The following CREBRF variants were observed in gnomAD, a reference collection of about 807,000 sequenced individuals.
CREBRF encodes UPF0474 protein C5orf41.
A neutral mutation model predicts 66.1 loss-of-function variants in CREBRF; 5 were observed. The observed-to-expected ratio is 0.08, with a 90% CI of 0.04 to 0.16. The LOEUF (loss-of-function observed/expected upper bound fraction) is 0.16, where lower values mean the gene tolerates loss of function less well. Among genes scored for constraint, CREBRF ranks in the 10% least tolerant of loss-of-function variants. The probability of loss-of-function intolerance (pLI) is 1.00; values close to 1 mark genes in which losing one functional copy is unlikely to be tolerated. For missense variants in CREBRF, 531 were observed against 744.9 expected (o/e 0.71, Z 3.34); for synonymous variants, 229 against 264.4 (o/e 0.87, Z 1.30).
At position 173,123,255 on chromosome 5, in the gene CREBRF, A is replaced by G. The variant is rs1759185287; in HGVS notation, c.1804+53A>G. The G allele has an allele frequency of 3.3e-6, 5 of 1,531,892 alleles. No homozygotes were observed. In the South Asian group the frequency reaches 6.3e-5, roughly 19 times the overall value. The allele number at this position is 1,531,892 out of a possible 1,614,324, so 94.9% of individuals were successfully genotyped here. On this transcript the variant is annotated intron_variant, in intron 8 of 8. Transcript: ENST00000296953. ...ACAATTAATAATATGTGTAAGATGT[A>G]TGATTTAAGGGGATATTAAAAGTTC... is the stretch of plus-strand genomic sequence containing the variant.
intron 1 of CREBRF, among the ~76,000 whole-genome samples, chr5:173,066,868 G>T (rs1296202083): frequency 1.4e-5 from 2 of 138,902 alleles, no homozygotes; most frequent in African/African-American, 5.5e-5. Flanking sequence ...CAGGCTGAGT[G>T]CAGTGGCGTG....
At chr5:173,112,831 G>C (rs780967691) in intron 7 of CREBRF, among the ~76,000 whole-genome samples, 18 of 152,074 alleles carry the variant, frequency 1.2e-4, no homozygotes, top group Non-Finnish European at 2.2e-4. Context: ...TTTAGGCTTC[G>C]TATGAATAAT....
chr5:173,090,113 G>T lies in CREBRF; in HGVS notation c.136-202G>T, dbSNP rs1758282984. Among the ~76,000 whole-genome samples the T allele has an allele frequency of 1.3e-5, 2 of 152,142 alleles. No homozygotes were observed. Among genetic ancestry groups the T allele is most frequent in the African/African-American group, 4.8e-5 (2 of 41,506 alleles). ...TCTTTTTTAAATTTAATTTTTAATT[G>T]ATTTTTGTTTGTTTTATTTTCATTC... On this transcript the variant is annotated intron_variant, in intron 3 of 8. Transcript: ENST00000296953. The surrounding 1 kb of genome is among the most constrained non-coding windows in gnomAD (Gnocchi z 4.5).
intron 4 of CREBRF, chr5:173,092,417 A>G (rs1483399986): frequency 7.1e-6 from 7 of 985,446 alleles, no homozygotes; most frequent in Non-Finnish European, 8.4e-6. Flanking sequence ...TCACTTTAGC[A>G]TTTACATGCT....
At chr5:173,117,205 C>A (rs1292598633) in intron 7 of CREBRF, among the ~76,000 whole-genome samples, 2 of 151,904 alleles carry the variant, frequency 1.3e-5, no homozygotes, top group African/African-American at 2.4e-5. Context: ...ATAGTGAAAT[C>A]CCATTTCTAC....
Position 173,110,605 on chromosome 5 carries a change from G to T in CREBRF, c.1501G>T (p.Glu501Ter). 1 of 1,614,104 alleles carries T rather than the reference G, an allele frequency of 6.2e-7. No homozygotes were observed. Among genetic ancestry groups the T allele is most frequent in the South Asian group, 1.1e-5 (1 of 91,078 alleles). ...TAAAAAACTCCTCCAGATAGGCAAT[G>T]AACTTCGGAAACTGAATAAGGTGAT... ...NPKKLLQIGNELRKLNKVISD... is the reference protein window; with the variant it reads ...NPKKLLQIGN Residue 501 changes from glutamate to a stop codon, truncating the protein, a stop_gained, in exon 6 of 9, where the codon GAA (glutamate) becomes TAA (stop). Transcript: ENST00000296953. LOFTEE classifies it high-confidence loss of function.
chr5:173,130,408 C>T (rs1287101301), intron 8 of CREBRF, among the ~76,000 whole-genome samples: 2 of 151,996 alleles, frequency 1.3e-5, no homozygotes, highest in South Asian at 2.1e-4. Flanking sequence ...CTTATTTTGT[C>T]TGTCAACTTT....
chr5:173,119,962 C>T (rs537558245), intron 7 of CREBRF, among the ~76,000 whole-genome samples: 166 of 152,192 alleles, frequency 1.1e-3, no homozygotes, highest in Non-Finnish European at 1.5e-3. Flanking sequence ...TTGGAATAAA[C>T]GCTACTTGGT....
At chr5:173,079,147 A>C (rs1344467897) in intron 1 of CREBRF, among the ~76,000 whole-genome samples, 1 of 152,142 alleles carries the variant, frequency 6.6e-6, no homozygotes, top group East Asian at 1.9e-4. Flanking sequence ...TGTAGCACTG[A>C]ATTGAAAAGC....
At chr5:173,063,674 A>T in intron 1 of CREBRF, among the ~76,000 whole-genome samples, 1 of 136,258 alleles carries the variant, frequency 7.3e-6, no homozygotes, top group East Asian at 2.3e-4. Context: ...TGGCCTGCTG[A>T]TTTCTTTTTC....
At chr5:173,097,393 C>T (rs991211405) in intron 4 of CREBRF, among the ~76,000 whole-genome samples, 1 of 152,068 alleles carries the variant, frequency 6.6e-6, no homozygotes, top group African/African-American at 2.4e-5. Context: ...TACAGGCACT[C>T]ACCACCATGC....
chr5:173,086,436 C>T (rs1581676092), intron 2 of CREBRF, 65 bp from the exon 3 acceptor site: 6 of 1,474,544 alleles, frequency 4.1e-6, no homozygotes, highest in Middle Eastern at 1.7e-4. Flanking sequence ...GGTTGGGGCT[C>T]ATATGTGATA....
In CREBRF at chr5:173,056,462, C is replaced by G; in HGVS notation, c.-209C>G. On this transcript the variant is annotated 5_prime_UTR_variant, in exon 1 of 9. Transcript: ENST00000296953. ...AGCGGAACCGGACCCAGTCCCTGAG[C>G]CGCCCCTACACCCACAGGTGAGCGC... 1 of 398,488 alleles carries G rather than the reference C, an allele frequency of 2.5e-6. No individual in the cohort carries two copies. 24.7% of individuals were successfully genotyped at this position (398,488 alleles called of 1,614,324 possible). A position where few individuals can be genotyped will look rare whatever the true frequency, so the allele number is the denominator to read the frequency against.
At chr5:173,125,607 G>A (rs1759250772) in intron 8 of CREBRF, among the ~76,000 whole-genome samples, 1 of 152,304 alleles carries the variant, frequency 6.6e-6, no homozygotes, top group South Asian at 2.1e-4. Context: ...GCTCACGCCT[G>A]TAATCCCAGC....
intron 7 of CREBRF, among the ~76,000 whole-genome samples, chr5:173,119,789 A>G (rs189267850): frequency 6.6e-6 from 1 of 152,106 alleles, no homozygotes; most frequent in East Asian, 1.9e-4. Flanking sequence ...ATTTCCTGCT[A>G]TTTCTAGTTT....
At chr5:173,110,245 A>C (rs1438023618) in intron 5 of CREBRF, 1 of 466,592 alleles carries the variant, frequency 2.1e-6, no homozygotes, top group African/African-American at 2.0e-5. Context: ...ATAATGAAGA[A>C]TCTGTCATGC....
rs773578695 is a variant in CREBRF at position 173,123,242 on chromosome 5, A to G, written c.1804+40A>G. The G allele has an allele frequency of 4.1e-5, 64 of 1,555,138 alleles. No homozygotes were observed. In the South Asian group the frequency reaches 5.9e-4, roughly 14 times the overall value. On this transcript the variant is annotated intron_variant, in intron 8 of 8. Coordinates refer to ENST00000296953, the MANE Select transcript of CREBRF (RefSeq NM_153607.3). ...AGATAAATTCATAACAATTAATAAT[A>G]TGTGTAAGATGTATGATTTAAGGGG...
chr5:173,130,508 A>C (rs2113808392), intron 8 of CREBRF, among the ~76,000 whole-genome samples: 1 of 150,160 alleles, frequency 6.7e-6, no homozygotes, highest in East Asian at 2.0e-4. Flanking sequence ...AGTTGTTTTC[A>C]CTGTTCTTTA....
In CREBRF at chr5:173,095,008, C is replaced by T. The variant is rs539187369; in HGVS notation, c.1222+3607C>T. ...TGTCATTATTTTGCCTTTGAATATC[C>T]AGTTTTCCCATAACCATTTATTGAA... is the stretch of plus-strand genomic sequence containing the variant. On this transcript the variant is annotated intron_variant, in intron 4 of 8. Coordinates refer to ENST00000296953, the MANE Select transcript of CREBRF (RefSeq NM_153607.3). Among the ~76,000 whole-genome samples, 9 of 151,934 alleles carry T rather than the reference C, an allele frequency of 5.9e-5. No homozygotes were observed. The East Asian group carries it at 1.5e-3, about 26-fold the overall frequency.
Sources: allele counts gnomAD v4.1 joint callset (sites outside exome capture counted in the v4.1 genomes callset), GRCh38; gene constraint gnomAD v4.1.1; non-coding constraint Gnocchi (gnomAD v3.1); transcripts MANE v1.5; gene names NCBI Gene and HGNC (gene_info 2026-07-23, HGNC 2026-07-21).